RABL2B: variants seen among roughly 807,000 people sequenced by gnomAD.
RABL2B encodes the protein rab-like protein 2B.
Under a neutral mutation model 26.7 loss-of-function variants are expected in RABL2B, and 17 were observed. The observed-to-expected ratio is 0.64, with a 90% CI of 0.44 to 0.95. RABL2B has a LOEUF of 0.95. RABL2B is among the 40% of genes least tolerant of loss of function. RABL2B has a pLI of 0.00. For missense variants in RABL2B, 170 were observed against 277.2 expected (o/e 0.61, Z 2.75); for synonymous variants, 70 against 103.9 (o/e 0.67, Z 1.99).
At chr22:50,776,638 G>T in intron 4 of RABL2B, 32 bp downstream of exon 4, 3 of 1,583,130 alleles carry the variant, frequency 1.9e-6, no homozygotes. Context: ...TCTTTCCTGA[G>T]GGTCAGCATG....
intron 5 of RABL2B, chr22:50,772,879 C>G (rs2084392972): frequency 3.2e-5 from 38 of 1,192,712 alleles, no homozygotes; most frequent in Non-Finnish European, 4.0e-5. Context: ...GAGGAGCATC[C>G]CCATCTCAAG....
chr22:50,768,772 C>G lies in RABL2B; in HGVS notation c.*4G>C. ...GGGCTCCACCCACCCCTAGCCCCAGCCCCTCAGCTGTGGGGAGAGGCCGCC... is the reference window on the plus strand; with the variant it reads ...GGGCTCCACCCACCCCTAGCCCCAGGCCCTCAGCTGTGGGGAGAGGCCGCC... On this transcript the variant is annotated 3_prime_UTR_variant, in exon 9 of 9. Transcript: ENST00000691320. 2 of 1,613,840 alleles carry G rather than the reference C, an allele frequency of 1.2e-6. No individual in the cohort carries two copies. The highest frequency in any genetic ancestry group is 8.5e-7 in the Non-Finnish European group (1 of 1,179,840).
chr22:50,782,264 A>G lies in RABL2B; in HGVS notation c.31T>C (p.Leu11=). Residue 11 remains leucine, a synonymous_variant, in exon 2 of 9, where the codon TTG becomes CTG. Transcript: ENST00000691320. ...TCAGCATCATACTTCCCTTGGTCCA[A>G]CTCACTCGGTTTGGTTTTGTCTTCT... MAEDKTKPSE[L]DQGKYDADDN... The G allele has an allele frequency of 1.3e-6, 2 of 1,560,726 alleles. No individual in the cohort carries two copies. The highest frequency in any genetic ancestry group is 1.9e-4 in the Middle Eastern group (1 of 5,396).
At chr22:50,772,566 G>C (rs1341268023) in intron 5 of RABL2B, 3 of 994,662 alleles carry the variant, frequency 3.0e-6, no homozygotes. Context: ...AAATCACCCA[G>C]CTATTTGTGC....
At chr22:50,781,445 G>C (rs1225429137) in intron 2 of RABL2B, among the ~76,000 whole-genome samples, 2 of 147,560 alleles carry the variant, frequency 1.4e-5, no homozygotes, top group Admixed American at 1.4e-4. Flanking sequence ...AATTCATGGA[G>C]ATGGCCTAAA....
chr22:50,774,539 C>G lies in RABL2B; in HGVS notation c.297+1233G>C, dbSNP rs187843470. ...GTGTGGGGAGATGCCCCAGGCAGTT[C>G]CAGCCTGGAACCCAGCCTTGGAGTC... On this transcript the variant is annotated intron_variant, in intron 5 of 8. Transcript: ENST00000691320. Among the ~76,000 whole-genome samples, 737 of 149,078 alleles carry G rather than the reference C, an allele frequency of 4.9e-3. 25 individuals carry two copies. The highest frequency in any genetic ancestry group is 0.018 in the African/African-American group (699 of 39,704).
chr22:50,769,331 G>A, intron 7 of RABL2B, 124 bp downstream of exon 7: 1 of 1,604,298 alleles, frequency 6.2e-7, no homozygotes, highest in Middle Eastern at 1.7e-4. Flanking sequence ...TCCCCTCCCT[G>A]CCACCCATGC....
chr22:50,779,428 C>G (rs1555926826), intron 2 of RABL2B, among the ~76,000 whole-genome samples: 1 of 151,354 alleles, frequency 6.6e-6, no homozygotes, highest in African/African-American at 2.4e-5. Context: ...AGCACAACTC[C>G]CTCAGGATAA....
At chr22:50,775,167 C>T (rs1200356142) in intron 5 of RABL2B, among the ~76,000 whole-genome samples, 1 of 152,182 alleles carries the variant, frequency 6.6e-6, no homozygotes, top group Non-Finnish European at 1.5e-5. Context: ...CCAGGGAATT[C>T]ACGGGTAGGA....
At chr22:50,774,117 G>C (rs1447498514) in intron 5 of RABL2B, among the ~76,000 whole-genome samples, 4 of 152,094 alleles carry the variant, frequency 2.6e-5, no homozygotes, top group Non-Finnish European at 4.4e-5. Context: ...GGATGGTCTC[G>C]ATCTCCTAAC....
At position 50,775,153 on chromosome 22, in the gene RABL2B, C is replaced by G. The variant is rs1409349105; in HGVS notation, c.297+619G>C. The stretch of plus-strand genomic sequence containing the variant: ...CATTTAAAAGTGGTGGCCTGAGAAC[C>G]CAGCCAGGGAATTCACGGGTAGGAA... On this transcript the variant is annotated intron_variant, in intron 5 of 8. Transcript: ENST00000691320. 2.6e-5 allele frequency among the ~76,000 whole-genome samples: 4 copies of G among 152,258 alleles called. No individual in the cohort carries two copies. In the East Asian group the frequency reaches 5.8e-4, roughly 22 times the overall value.
At chr22:50,777,808 A>G in intron 3 of RABL2B, 144 bp downstream of exon 3, 4 of 1,320,094 alleles carry the variant, frequency 3.0e-6, no homozygotes, top group Non-Finnish European at 4.3e-6. Flanking sequence ...TCGGCAAGAA[A>G]CAAGTGCGGA....
At chr22:50,781,523 G>A (rs1385258358) in intron 2 of RABL2B, among the ~76,000 whole-genome samples, 1 of 152,024 alleles carries the variant, frequency 6.6e-6, no homozygotes, top group Admixed American at 6.5e-5. Flanking sequence ...TAAAAATGAA[G>A]GTAGAAACCA....
At position 50,775,756 on chromosome 22, in the gene RABL2B, C is replaced by T; in HGVS notation, c.297+16G>A. ...ACTTGCCCAGTGCCTTTGTCCACCT[C>T]CCCACCGTCTCGTACCATGATGCAG... is the stretch of plus-strand genomic sequence containing the variant. On this transcript the variant is annotated intron_variant, in intron 5 of 8. Transcript: ENST00000691320. 6.2e-7 allele frequency: 1 copy of T among 1,614,054 alleles called. No individual in the cohort carries two copies.
intron 3 of RABL2B, chr22:50,777,567 A>G (rs1555925344): frequency 3.3e-6 from 1 of 302,770 alleles, no homozygotes; most frequent in Non-Finnish European, 6.3e-6. Flanking sequence ...AAGTTCATTC[A>G]TATCAGAGAT....
chr22:50,778,130 TGG>T (rs1254292793), intron 2 of RABL2B, 149 bp from the exon 3 acceptor site: 1 of 1,178,146 alleles, frequency 8.5e-7, no homozygotes, highest in Non-Finnish European at 1.2e-6. Context: ...GGGTCAAGTC[TGG>T]AAGTTGGGTA....
intron 1 of RABL2B, chr22:50,782,622 CATT>C (rs2086080298): frequency 2.6e-6 from 1 of 388,328 alleles, no homozygotes; most frequent in African/African-American, 2.0e-5. Flanking sequence ...CTGTGTGCAA[CATT>C]ATGTCTAGCT....
At chr22:50,772,500 T>G (rs2084334359) in intron 5 of RABL2B, 92 of 990,494 alleles carry the variant, frequency 9.3e-5, no homozygotes, top group Non-Finnish European at 1.1e-4. Flanking sequence ...AGTCAGTGGA[T>G]TAAAGTTACA....
chr22:50,772,286 C>T (rs2084307469), intron 5 of RABL2B: 1 of 980,458 alleles, frequency 1.0e-6, no homozygotes, highest in South Asian at 4.7e-5. Flanking sequence ...GCCTAGGCCT[C>T]CCAAAGTACT....
Sources: gnomAD v4.1 joint callset for allele counts (sites outside exome capture counted in the v4.1 genomes callset) on GRCh38, gnomAD v4.1.1 for gene constraint, MANE v1.5 for transcripts, NCBI Gene and HGNC (gene_info 2026-07-23, HGNC 2026-07-21) for gene names.